Variants in METAP1 observed in about 807,000 individuals in gnomAD.
METAP1 encodes the protein methionyl aminopeptidase 1.
A neutral mutation model predicts 53.8 loss-of-function variants in METAP1; 28 were observed. The observed-to-expected ratio is 0.52, with a 90% CI of 0.39 to 0.71. The LOEUF (loss-of-function observed/expected upper bound fraction) is 0.71, where lower values mean the gene tolerates loss of function less well. Among genes scored for constraint, METAP1 ranks in the 30% least tolerant of loss-of-function variants. METAP1 has a pLI of 0.00. For missense variants in METAP1, 389 were observed against 479.8 expected (o/e 0.81, Z 1.77); for synonymous variants, 181 against 165.7 (o/e 1.09, Z -0.71).
intron 10 of METAP1, among the ~76,000 whole-genome samples, chr4:99,060,615 G>A (rs147096729): frequency 1.3e-5 from 2 of 151,970 alleles, no homozygotes; most frequent in East Asian, 1.9e-4. Flanking sequence ...TGCCCGCCTC[G>A]GCCTCCCAAA....
At chr4:99,047,931 A>G (rs1320719684) in intron 8 of METAP1, among the ~76,000 whole-genome samples, 1 of 152,256 alleles carries the variant, frequency 6.6e-6, no homozygotes, top group African/African-American at 2.4e-5. Context: ...AGAGGCAGTC[A>G]TGGAAAGTTT....
At chr4:99,053,110 C>G (rs1726833262) in intron 9 of METAP1, among the ~76,000 whole-genome samples, 1 of 152,210 alleles carries the variant, frequency 6.6e-6, no homozygotes, top group Non-Finnish European at 1.5e-5. Flanking sequence ...GTTACTTGCT[C>G]CACTAAGTTT....
chr4:99,013,267 T>G (rs148280713), intron 1 of METAP1, among the ~76,000 whole-genome samples: 8 of 152,356 alleles, frequency 5.3e-5, no homozygotes, highest in Middle Eastern at 3.4e-3. Flanking sequence ...TTATTTTCTA[T>G]AAATACATTT....
In METAP1 at chr4:99,048,784, C is replaced by T. The variant is rs1271468706; in HGVS notation, c.839C>T (p.Ala280Val). The change falls in exon 9 of 11, where the codon GCC becomes GTC. Residue 280 changes from alanine to valine, a missense_variant. By Grantham distance (64) the Ala-to-Val change is moderately conservative (BLOSUM62 0). Coordinates refer to ENST00000296411, the MANE Select transcript of METAP1 (RefSeq NM_015143.3). ...RELGNIIQKH[A>V]QANGFSVVRS... The stretch of plus-strand genomic sequence containing the variant: ...TTGGGAAACATTATCCAGAAGCATG[C>T]CCAAGCAAATGGGTTTTCAGTTGTT... 14 of 1,613,798 alleles carry T rather than the reference C, an allele frequency of 8.7e-6. No individual in the cohort carries two copies. Among genetic ancestry groups the T allele is most frequent in the Non-Finnish European group, 1.2e-5 (14 of 1,179,842 alleles).
chr4:99,049,601 A>G (rs530858366), intron 9 of METAP1, among the ~76,000 whole-genome samples: 64 of 152,298 alleles, frequency 4.2e-4, no homozygotes, highest in Admixed American at 6.5e-4. Flanking sequence ...GTAGAGAGAG[A>G]AGAACATGTT....
At position 99,060,333 on chromosome 4, in the gene METAP1, C is replaced by T. The variant is rs550550064; in HGVS notation, c.998-821C>T. ...TGATTTTGACTACTGTACTCTACCTCATAGAAGTGGAATCATTAAGCACAT... is the reference window on the plus strand; with the variant it reads ...TGATTTTGACTACTGTACTCTACCTTATAGAAGTGGAATCATTAAGCACAT... On this transcript the variant is annotated intron_variant, in intron 10 of 10. Transcript: ENST00000296411. Among the ~76,000 whole-genome samples, 3 of 148,292 alleles carry T rather than the reference C, an allele frequency of 2.0e-5. No individual in the cohort carries two copies. In the South Asian group the frequency reaches 6.5e-4, roughly 32 times the overall value.
intron 1 of METAP1, among the ~76,000 whole-genome samples, chr4:98,999,652 A>G (rs567046398): frequency 6.6e-6 from 1 of 150,466 alleles, no homozygotes; most frequent in Non-Finnish European, 1.5e-5. Flanking sequence ...CTGAGATTAC[A>G]GGTGCGCACC....
chr4:99,004,147 C>G lies in METAP1; in HGVS notation c.114+8280C>G, dbSNP rs1250758056. 2.6e-5 allele frequency among the ~76,000 whole-genome samples: 4 copies of G among 152,098 alleles called. No homozygotes were observed. The East Asian group carries it at 7.7e-4, about 29-fold the overall frequency. ...GGGCAAGGTATTGGGGAAGGGATGC[C>G]AAGCTTCCATGAGTTCAGTGTTCAG... On this transcript the variant is annotated intron_variant, in intron 1 of 10. Transcript: ENST00000296411.
At chr4:99,036,561 G>A (rs918741941) in intron 4 of METAP1, among the ~76,000 whole-genome samples, 9 of 152,084 alleles carry the variant, frequency 5.9e-5, no homozygotes, top group African/African-American at 1.7e-4. Context: ...TTAGGACCCC[G>A]TCTCTGCCAT....
At chr4:99,057,861 A>G (rs1373215862) in intron 10 of METAP1, 43 bp downstream of exon 10, 32 of 1,512,186 alleles carry the variant, frequency 2.1e-5, no homozygotes, top group Non-Finnish European at 2.7e-5. Context: ...TTGAATTTAT[A>G]TGTATTTTAG....
At chr4:99,011,833 G>A (rs769274537) in intron 1 of METAP1, among the ~76,000 whole-genome samples, 1 of 152,132 alleles carries the variant, frequency 6.6e-6, no homozygotes, top group African/African-American at 2.4e-5. Context: ...CCAGCTACTC[G>A]AGAGGCTGAG....
chr4:99,023,181 C>G (rs1045482584), intron 1 of METAP1: 14 of 545,394 alleles, frequency 2.6e-5, no homozygotes, highest in Non-Finnish European at 3.4e-5. Flanking sequence ...CTAATGACTG[C>G]ATAGATTCAT....
At chr4:99,039,957 C>G (rs566163931) in intron 5 of METAP1, among the ~76,000 whole-genome samples, 4 of 152,018 alleles carry the variant, frequency 2.6e-5, no homozygotes, top group Non-Finnish European at 5.9e-5. Context: ...TAACTCCTGA[C>G]GTAAGGTGAT....
intron 1 of METAP1, among the ~76,000 whole-genome samples, chr4:99,015,112 C>T (rs1396456716): frequency 1.3e-5 from 2 of 152,202 alleles, no homozygotes; most frequent in African/African-American, 4.8e-5. Flanking sequence ...ATCTGGGCCT[C>T]TGGCTTACCG....
chr4:99,046,682 A>G (rs1726264238), intron 8 of METAP1, among the ~76,000 whole-genome samples: 1 of 152,132 alleles, frequency 6.6e-6, no homozygotes. Flanking sequence ...TGTATGGGAG[A>G]TGAAATTTTT....
chr4:99,058,647 T>C (rs185174612), intron 10 of METAP1, among the ~76,000 whole-genome samples: 2 of 152,294 alleles, frequency 1.3e-5, no homozygotes, highest in East Asian at 3.9e-4. Context: ...CTCCCTCTCT[T>C]GATCCTTCCA....
intron 8 of METAP1, among the ~76,000 whole-genome samples, chr4:99,046,620 C>T (rs1238172470): frequency 6.6e-6 from 1 of 152,040 alleles, no homozygotes; most frequent in Non-Finnish European, 1.5e-5. Context: ...ATACAGTTAT[C>T]TCTAATAATG....
intron 9 of METAP1, among the ~76,000 whole-genome samples, chr4:99,055,601 A>T (rs1253097797): frequency 2.0e-5 from 3 of 152,168 alleles, no homozygotes; most frequent in Non-Finnish European, 2.9e-5. Context: ...GTATGTTGGG[A>T]AACTGAAACT....
Position 99,001,761 on chromosome 4 carries a change from G to T in METAP1, c.114+5894G>T, listed in dbSNP as rs1722938529. ...ACTTACTCAGGAACGTATAATAATGGTACAGGATTTGGTACATGAACCCAG... is the reference window on the plus strand; with the variant it reads ...ACTTACTCAGGAACGTATAATAATGTTACAGGATTTGGTACATGAACCCAG... On this transcript the variant is annotated intron_variant, in intron 1 of 10. Coordinates refer to ENST00000296411, the MANE Select transcript of METAP1 (RefSeq NM_015143.3). Among the ~76,000 whole-genome samples the T allele has an allele frequency of 2.6e-5, 4 of 152,182 alleles. No homozygotes were observed. In the Middle Eastern group the frequency reaches 0.014, roughly 518 times the overall value.
Sources: gnomAD v4.1 joint callset for allele counts (sites outside exome capture counted in the v4.1 genomes callset) on GRCh38, gnomAD v4.1.1 for gene constraint, MANE v1.5 for transcripts, NCBI Gene and HGNC (gene_info 2026-07-23, HGNC 2026-07-21) for gene names.